IL13RA2: variants seen among roughly 807,000 people sequenced by gnomAD.
IL13RA2 encodes the protein interleukin 13 receptor subunit alpha 2, also known as interleukin-13 receptor subunit alpha-2.
Under a neutral mutation model 34.1 loss-of-function variants are expected in IL13RA2, and 25 were observed. That is an observed-to-expected ratio of 0.73 (90% CI 0.53 to 1.03). The LOEUF is 1.03. IL13RA2 is among the 50% of genes least tolerant of loss of function. The probability of loss-of-function intolerance (pLI) is 0.00; values close to 1 mark genes in which losing one functional copy is unlikely to be tolerated. For missense variants in IL13RA2, 297 were observed against 280.9 expected, an observed-to-expected ratio of 1.06 and a Z score of -0.41; for synonymous variants, 106 against 100.4, an observed-to-expected ratio of 1.06 and a Z score of -0.33.
At chrX:115,008,921 C>T (rs1431340013) in intron 7 of IL13RA2, among the ~76,000 whole-genome samples, 1 of 111,850 alleles carries the variant, frequency 8.9e-6, no homozygotes, top group Non-Finnish European at 1.9e-5. Context: ...ATCAATTCAA[C>T]AACCAGTTTT....
At position 115,005,233 on chromosome X, in the gene IL13RA2, A is replaced by G. The variant is rs1556507244; in HGVS notation, c.1080T>C (p.Gly360=). ...FILILVIFVT[G]LLLRKPNTYP... The stretch of plus-strand genomic sequence containing the variant: ...AGGTGTTTGGCTTACGCAAAAGCAG[A>G]CCGGTTACAAATATAACTAATATTA... The change falls in exon 9 of 10, where the codon GGT becomes GGC. Residue 360 remains glycine (G), a synonymous_variant. Transcript: ENST00000243213. 9.8e-6 allele frequency: 11 copies of G among 1,124,747 alleles called. No homozygotes were observed. Among genetic ancestry groups the G allele is most frequent in the South Asian group, 1.8e-5 (1 of 54,978 alleles). 92.7% of individuals were successfully genotyped at this position (1,124,747 alleles called of 1,213,427 possible). A position where few individuals can be genotyped will look rare whatever the true frequency, so the allele number is the denominator to read the frequency against.
rs2071698274 is a variant in IL13RA2, at chrX:115,009,608, C to G, written c.765G>C (p.Lys255Asn). ...GTCCCAAAGGTATGCTCCATTTCAG[C>G]TTAATTTCACATGAACTCTCCCGAG... ...TFTRESSCEI[K>N]LKWSIPLGPI... Residue 255 changes from lysine to asparagine, a missense_variant, in exon 7 of 10, where the codon AAG becomes AAC. Physicochemically the swap from Lys to Asn is moderately conservative, Grantham distance 94 (BLOSUM62 0). Transcript: ENST00000243213. 8.3e-7 allele frequency: 1 copy of G among 1,201,355 alleles called. No individual in the cohort carries two copies. The highest frequency in any genetic ancestry group is 2.3e-4 in the Middle Eastern group (1 of 4,332).
Position 115,017,200 on chromosome X carries a change from A to G in IL13RA2, c.70T>C (p.Ser24Pro). Residue 24 changes from serine (S) to proline (P), a missense_variant, in exon 2 of 10, where the codon TCA becomes CCA. Physicochemically the swap from Ser to Pro is moderately conservative, Grantham distance 74 (BLOSUM62 -1). Transcript: ENST00000243213. ...CCTTTTATCTCGGTGTCTGAAGATGAAGTACAGCCAAATGTTGTGCTTATC... is the reference window on the plus strand; with the variant it reads ...CCTTTTATCTCGGTGTCTGAAGATGGAGTACAGCCAAATGTTGTGCTTATC... The part of the protein sequence containing the change: ...FLISTTFGCT[S>P]SSDTEIKVNP... 9.8e-6 allele frequency: 9 copies of G among 917,528 alleles called. No homozygotes were observed. Among genetic ancestry groups the G allele is most frequent in the Non-Finnish European group, 1.4e-5 (9 of 629,890 alleles). 75.6% of individuals were successfully genotyped at this position (917,528 alleles called of 1,213,427 possible).
chrX:115,014,376 A>G (rs781862925), intron 4 of IL13RA2, 45 bp downstream of exon 4: 1 of 983,770 alleles, frequency 1.0e-6, no homozygotes, highest in Non-Finnish European at 1.4e-6. Context: ...TCCCAAATGA[A>G]TTGTTCTGAT....
chrX:115,013,403 T>G (rs1048086818), intron 5 of IL13RA2, among the ~76,000 whole-genome samples: 9 of 111,328 alleles, frequency 8.1e-5, no homozygotes, highest in Non-Finnish European at 1.3e-4. Flanking sequence ...CAGTGACAGT[T>G]AACAAAGGAG....
rs782042037 is a variant in IL13RA2 at position 115,007,845 on chromosome X, A to G, written c.997+87T>C. ...CATAGACTATATGGGAAAGTCCTTCACTTCTGTAATTACAAAATACACCAA... is the reference window on the plus strand; with the variant it reads ...CATAGACTATATGGGAAAGTCCTTCGCTTCTGTAATTACAAAATACACCAA... On this transcript the variant is annotated intron_variant, in intron 8 of 9. Coordinates refer to ENST00000243213, the MANE Select transcript of IL13RA2 (RefSeq NM_000640.3). 43 of 578,343 alleles carry G rather than the reference A, an allele frequency of 7.4e-5. No homozygotes were observed. In the South Asian group the frequency reaches 7.5e-4, roughly 10 times the overall value. The allele number at this position is 578,343 out of a possible 1,213,427, so 47.7% of individuals were successfully genotyped here. A position where few individuals can be genotyped will look rare whatever the true frequency, so the allele number is the denominator to read the frequency against.
intron 7 of IL13RA2, among the ~76,000 whole-genome samples, chrX:115,008,500 A>G (rs1428367216): frequency 1.8e-5 from 2 of 112,120 alleles, no homozygotes; most frequent in Non-Finnish European, 3.8e-5. Flanking sequence ...GAGTTCACAT[A>G]TTAATATATA....
intron 6 of IL13RA2, among the ~76,000 whole-genome samples, chrX:115,010,226 C>T (rs1322728276): frequency 9.0e-6 from 1 of 110,929 alleles, no homozygotes; most frequent in African/African-American, 3.3e-5. Flanking sequence ...ACTCTAGAAC[C>T]CATCACTCTC....
At chrX:115,004,384 G>A (rs1004574944) in intron 9 of IL13RA2, among the ~76,000 whole-genome samples, 7 of 105,598 alleles carry the variant, frequency 6.6e-5, no homozygotes, top group Non-Finnish European at 1.2e-4. Flanking sequence ...GCAACATAGC[G>A]GGACTCCATC....
rs1556509809 is a variant in IL13RA2, at chrX:115,015,774, A to G, written c.142T>C (p.Tyr48His). ...FEIVDPGYLG[Y>H]LYLQWQPPLS... ...GGGGGTTGCCATTGCAAATAGAGAT[A>G]ACCTAAGTATCCGGGATCCACTATC... Residue 48 changes from tyrosine to histidine, a missense_variant, in exon 3 of 10, where the codon TAT (tyrosine) becomes CAT (histidine). Coordinates refer to ENST00000243213, the MANE Select transcript of IL13RA2 (RefSeq NM_000640.3). The G allele has an allele frequency of 8.4e-7, 1 of 1,188,222 alleles. No individual in the cohort carries two copies. The highest frequency in any genetic ancestry group is 2.2e-5 in the Admixed American group (1 of 45,960).
intron 9 of IL13RA2, among the ~76,000 whole-genome samples, chrX:115,004,452 G>C (rs1248203679): frequency 9.6e-6 from 1 of 103,835 alleles, no homozygotes; most frequent in Admixed American, 1.0e-4. Context: ...ATTTTTTATA[G>C]AGATGGAGTC....
In IL13RA2 at chrX:115,014,513, G is replaced by A. The variant is rs1219445525; in HGVS notation, c.308C>T (p.Ala103Val). The change falls in exon 4 of 10, where the codon GCG becomes GTG. Residue 103 changes from alanine (A) to valine (V), a missense_variant. Coordinates refer to ENST00000243213, the MANE Select transcript of IL13RA2 (RefSeq NM_000640.3). ...CCATGGTAAAAGCGTGTGTATCTTC[G>A]CTTCAATGCCCTTGTTAAGATCAAA... ...DGFDLNKGIE[A>V]KIHTLLPWQC... is the part of the protein sequence containing the mutation. 3.4e-6 allele frequency: 4 copies of A among 1,185,711 alleles called. No individual in the cohort carries two copies. Among genetic ancestry groups the A allele is most frequent in the African/African-American group, 3.5e-5 (2 of 56,801 alleles).
At chrX:115,015,575 A>G (rs926120472) in intron 3 of IL13RA2, 95 bp downstream of exon 3, 6 of 766,720 alleles carry the variant, frequency 7.8e-6, no homozygotes, top group Non-Finnish European at 8.1e-6. Flanking sequence ...AATTAGAACT[A>G]TTGAGATATG....
At chrX:115,010,519 GTC>G in intron 6 of IL13RA2, 123 bp downstream of exon 6, 1 of 387,894 alleles carries the variant, frequency 2.6e-6, no homozygotes, top group Non-Finnish European at 4.6e-6. Flanking sequence ...ATAGGTCTCT[GTC>G]TCTCTCTCTG....
chrX:115,007,908 A>T, intron 8 of IL13RA2, 24 bp downstream of exon 8: 1 of 958,687 alleles, frequency 1.0e-6, no homozygotes, highest in Non-Finnish European at 1.5e-6. Flanking sequence ...CTCATTATTT[A>T]GTTACTGTCC....
chrX:115,008,083 G>C lies in IL13RA2; in HGVS notation c.853-7C>G. 2 of 1,127,671 alleles carry C rather than the reference G, an allele frequency of 1.8e-6. No individual in the cohort carries two copies. Among genetic ancestry groups the C allele is most frequent in the Non-Finnish European group, 2.4e-6 (2 of 822,336 alleles). 92.9% of individuals were successfully genotyped at this position (1,127,671 alleles called of 1,213,427 possible). ...CATTTTCAACTGTAGCAGTCTGAAA[G>C]CCAAGGACAAAATCAGATGCCATTA... is the stretch of plus-strand genomic sequence containing the variant. On this transcript the variant is annotated splice_region_variant and splice_polypyrimidine_tract_variant and intron_variant, in intron 7 of 9. Transcript: ENST00000243213.
At chrX:115,012,099 C>T (rs2071707897) in intron 5 of IL13RA2, among the ~76,000 whole-genome samples, 1 of 112,257 alleles carries the variant, frequency 8.9e-6, no homozygotes, top group Admixed American at 9.5e-5. Context: ...GAACCCAGAT[C>T]TCAGGATTGT....
intron 2 of IL13RA2, among the ~76,000 whole-genome samples, chrX:115,016,688 A>G (rs1486413662): frequency 6.5e-5 from 7 of 106,997 alleles, no homozygotes; most frequent in Non-Finnish European, 1.2e-4. Flanking sequence ...AATTTTAATT[A>G]ATTAATAATA....
At chrX:115,007,250 ATCTG>A (rs1168564996) in intron 8 of IL13RA2, among the ~76,000 whole-genome samples, 1 of 112,165 alleles carries the variant, frequency 8.9e-6, no homozygotes, top group Non-Finnish European at 1.9e-5. Flanking sequence ...ATATGGCAGT[ATCTG>A]TCTGTATCAG....
Sources: allele counts gnomAD v4.1 joint callset (sites outside exome capture counted in the v4.1 genomes callset), GRCh38; gene constraint gnomAD v4.1.1; transcripts MANE v1.5; gene names NCBI Gene and HGNC (gene_info 2026-07-23, HGNC 2026-07-21).